The following TSPAN3 variants were observed in gnomAD, a reference collection of about 807,000 sequenced individuals.
The protein encoded by TSPAN3 is tetraspanin 3.
TSPAN3 carries 9 observed loss-of-function variants against 31.1 expected under a neutral mutation model. The observed-to-expected ratio is 0.29, with a 90% CI of 0.17 to 0.50. TSPAN3 has a LOEUF of 0.50. Among genes scored for constraint, TSPAN3 ranks in the 20% least tolerant of loss-of-function variants. The pLI, the probability that TSPAN3 is intolerant of heterozygous loss-of-function variation, is 0.98. For synonymous variants in TSPAN3, 129 were observed against 114.3 expected, an observed-to-expected ratio of 1.13 and a Z score of -0.82; for missense variants, 252 against 313.5, an observed-to-expected ratio of 0.80 and a Z score of 1.48.
At chr15:77,068,985 C>A (rs904985850) in intron 1 of TSPAN3, among the ~76,000 whole-genome samples, 1 of 152,130 alleles carries the variant, frequency 6.6e-6, no homozygotes, top group African/African-American at 2.4e-5. Context: ...GATTTATATT[C>A]CTTTGGGTAT....
At chr15:77,070,595 C>T (rs1370552540) in intron 1 of TSPAN3, among the ~76,000 whole-genome samples, 1 of 151,100 alleles carries the variant, frequency 6.6e-6, no homozygotes, top group Admixed American at 6.6e-5. Context: ...GGGGGGGAGA[C>T]TGGGGCGCCT....
At position 77,070,990 on chromosome 15, in the gene TSPAN3, CG is replaced by C; in HGVS notation, c.-37del. On this transcript the variant is annotated 5_prime_UTR_variant, in exon 1 of 7. Transcript: ENST00000267970. ...GCCCGCGAAGGCCCGGCCCGGAGAGCGGGGCTGCGCTCACCGAGAGAGCGGC... is the reference window on the plus strand; with the variant it reads ...GCCCGCGAAGGCCCGGCCCGGAGAGCGGGCTGCGCTCACCGAGAGAGCGGC... 1.5e-6 allele frequency: 2 copies of C among 1,373,608 alleles called. No individual in the cohort carries two copies. The highest frequency in any genetic ancestry group is 1.9e-6 in the Non-Finnish European group (2 of 1,054,834). 85.1% of individuals were successfully genotyped at this position (1,373,608 alleles called of 1,614,324 possible). A position where few individuals can be genotyped will look rare whatever the true frequency, so the allele number is the denominator to read the frequency against.
chr15:77,046,666 T>A lies in TSPAN3; in HGVS notation c.*169A>T. The A allele has an allele frequency of 1.8e-6, 1 of 567,746 alleles. No individual in the cohort carries two copies. Among genetic ancestry groups the A allele is most frequent in the Non-Finnish European group, 3.1e-6 (1 of 320,612 alleles). The allele number at this position is 567,746 out of a possible 1,614,324, so 35.2% of individuals were successfully genotyped here. On this transcript the variant is annotated 3_prime_UTR_variant, in exon 7 of 7. Coordinates refer to ENST00000267970, the MANE Select transcript of TSPAN3 (RefSeq NM_005724.6). ...TCAGCTAGAACAAGGAAAAAGAAAGTCGCAGGTAGTAGGTAAGTAGGTGGG... is the reference window on the plus strand; with the variant it reads ...TCAGCTAGAACAAGGAAAAAGAAAGACGCAGGTAGTAGGTAAGTAGGTGGG...
rs1174424239 is a variant in TSPAN3 at position 77,045,356 on chromosome 15, T to G, written c.*1479A>C. The stretch of plus-strand genomic sequence containing the variant: ...CACTGCTAAGCTCTCTCAACTGCTA[T>G]GCCAGCCTAACTGAAGCCCAGTCAC... On this transcript the variant is annotated 3_prime_UTR_variant, in exon 7 of 7. Transcript: ENST00000267970. The G allele has an allele frequency of 2.6e-5, 4 of 152,490 alleles. No homozygotes were observed. Among genetic ancestry groups the G allele is most frequent in the Non-Finnish European group, 4.4e-5 (3 of 68,120 alleles). 9.4% of individuals were successfully genotyped at this position (152,490 alleles called of 1,614,324 possible). A position where few individuals can be genotyped will look rare whatever the true frequency, so the allele number is the denominator to read the frequency against.
chr15:77,056,588 A>AG (rs1384832264), intron 1 of TSPAN3, among the ~76,000 whole-genome samples: 8 of 152,120 alleles, frequency 5.3e-5, no homozygotes, highest in African/African-American at 1.9e-4. Flanking sequence ...GTATGGTGGT[A>AG]GGGGGATCTT....
Position 77,054,198 on chromosome 15 carries a change from T to A in TSPAN3, c.412A>T (p.Ile138Phe), listed in dbSNP as rs138918071. Residue 138 changes from isoleucine to phenylalanine, a missense_variant, in exon 4 of 7, where the codon ATT becomes TTT. Coordinates refer to ENST00000267970, the MANE Select transcript of TSPAN3 (RefSeq NM_005724.6). ...GTNPDAASRA[I>F]DYVQRQLHCC... ...CTCACCTGTCTCTGTACATAATCAATAGCCCGGCTAGCAGCATCAGGGTTG... is the reference window on the plus strand; with the variant it reads ...CTCACCTGTCTCTGTACATAATCAAAAGCCCGGCTAGCAGCATCAGGGTTG... 1.9e-6 allele frequency: 3 copies of A among 1,613,790 alleles called. No homozygotes were observed. Among genetic ancestry groups the A allele is most frequent in the African/African-American group, 1.3e-5 (1 of 74,908 alleles).
At chr15:77,062,177 C>A (rs2076804772) in intron 1 of TSPAN3, among the ~76,000 whole-genome samples, 1 of 152,162 alleles carries the variant, frequency 6.6e-6, no homozygotes, top group East Asian at 1.9e-4. Context: ...TGGGAAGAAT[C>A]GTTGGTAATT....
chr15:77,058,563 C>T (rs933054533), intron 1 of TSPAN3, among the ~76,000 whole-genome samples: 7 of 152,306 alleles, frequency 4.6e-5, no homozygotes, highest in Middle Eastern at 3.4e-3. Flanking sequence ...GAATATTTAT[C>T]GAAACGGTTG....
chr15:77,064,822 A>G (rs999634995), intron 1 of TSPAN3: 1 of 152,252 alleles, frequency 6.6e-6, no homozygotes, highest in Admixed American at 6.5e-5. Flanking sequence ...CATTCATGAT[A>G]GGAGAAATAC....
chr15:77,049,182 T>A (rs892491027), intron 6 of TSPAN3, among the ~76,000 whole-genome samples: 1 of 152,136 alleles, frequency 6.6e-6, no homozygotes, highest in Non-Finnish European at 1.5e-5. Context: ...CATTTTGCAA[T>A]GTTGGCCAGG....
chr15:77,067,092 C>T (rs536780360), intron 1 of TSPAN3, among the ~76,000 whole-genome samples: 1 of 152,066 alleles, frequency 6.6e-6, no homozygotes, highest in East Asian at 2.0e-4. Flanking sequence ...GAGGGTAGAG[C>T]CCTCATGACC....
chr15:77,061,130 A>G (rs1001395612), intron 1 of TSPAN3, among the ~76,000 whole-genome samples: 2 of 152,226 alleles, frequency 1.3e-5, no homozygotes, highest in African/African-American at 4.8e-5. Context: ...GAAATATCTT[A>G]AAGAGATTTC....
chr15:77,056,100 ACAG>A lies in TSPAN3; in HGVS notation c.216_218del (p.Cys73del). ...CACAGCGACTTTCCCGGATTGTGGCACAGCAGCCAATTAGCCCAATGATGAAAA... is the reference window on the plus strand; with the variant it reads ...CACAGCGACTTTCCCGGATTGTGGCACAGCCAATTAGCCCAATGATGAAAA... On this transcript the variant is annotated inframe_deletion, in exon 2 of 7. Transcript: ENST00000267970. 1.9e-6 allele frequency: 3 copies of A among 1,611,428 alleles called. No homozygotes were observed. The highest frequency in any genetic ancestry group is 2.5e-6 in the Non-Finnish European group (3 of 1,179,124).
At chr15:77,070,439 C>T (rs1412011059) in intron 1 of TSPAN3, among the ~76,000 whole-genome samples, 3 of 152,024 alleles carry the variant, frequency 2.0e-5, no homozygotes, top group African/African-American at 7.2e-5. Flanking sequence ...AGCGTCCCCG[C>T]GGATCTGCCC....
chr15:77,068,638 G>A (rs938252012), intron 1 of TSPAN3, among the ~76,000 whole-genome samples: 1 of 152,104 alleles, frequency 6.6e-6, no homozygotes, highest in Admixed American at 6.5e-5. Flanking sequence ...AGCTGACAAC[G>A]TGTTTCTCAT....
chr15:77,062,401 A>G (rs995141260), intron 1 of TSPAN3, among the ~76,000 whole-genome samples: 2 of 152,138 alleles, frequency 1.3e-5, no homozygotes, highest in African/African-American at 4.8e-5. Flanking sequence ...TATATCATTT[A>G]CTCTCCTACC....
chr15:77,056,713 A>C (rs2076771178), intron 1 of TSPAN3, among the ~76,000 whole-genome samples: 1 of 152,084 alleles, frequency 6.6e-6, no homozygotes, highest in Non-Finnish European at 1.5e-5. Flanking sequence ...TATCTACCCC[A>C]CCTCAAGGAA....
chr15:77,065,903 C>A lies in TSPAN3; in HGVS notation c.63+4989G>T, dbSNP rs113146057. On this transcript the variant is annotated intron_variant, in intron 1 of 6. Coordinates refer to ENST00000267970, the MANE Select transcript of TSPAN3 (RefSeq NM_005724.6). ...TACTTCCCCCACTCTACAGGTGTCT[C>A]AGTTTTATACTATCACCTCTCAGAT... is the stretch of plus-strand genomic sequence containing the variant. Among the ~76,000 whole-genome samples the A allele has an allele frequency of 7.6e-4, 116 of 152,134 alleles. 1 individual carries two copies. The highest frequency in any genetic ancestry group is 2.4e-4 in the Non-Finnish European group (16 of 68,010).
chr15:77,051,602 C>CA (rs2076731439), intron 6 of TSPAN3, among the ~76,000 whole-genome samples: 2 of 150,654 alleles, frequency 1.3e-5, no homozygotes, highest in Non-Finnish European at 1.5e-5. Context: ...TAAATCCCAA[C>CA]ACTTTAGGAG....
Sources: gnomAD v4.1 joint callset for allele counts (sites outside exome capture counted in the v4.1 genomes callset) on GRCh38, gnomAD v4.1.1 for gene constraint, MANE v1.5 for transcripts, NCBI Gene and HGNC (gene_info 2026-07-23, HGNC 2026-07-21) for gene names.